Variants in FARP1 observed in about 807,000 individuals in gnomAD.
The protein encoded by FARP1 is FERM, ARHGEF and pleckstrin domain-containing protein 1.
Under a neutral mutation model 128.8 loss-of-function variants are expected in FARP1, and 52 were observed. The ratio of observed to expected loss-of-function variants is 0.40; its 90% CI spans 0.32 to 0.51. The LOEUF is 0.51. Ranked by LOEUF, FARP1 falls within the 20% of genes least tolerant of loss-of-function variation. FARP1 has a pLI of 0.45. For synonymous variants in FARP1, 580 were observed against 551.8 expected (o/e 1.05, Z -0.72); for missense variants, 1,333 against 1,367.9 (o/e 0.97, Z 0.40).
intron 19 of FARP1, 89 bp downstream of exon 19, chr13:98,435,795 C>G: frequency 2.2e-6 from 3 of 1,366,880 alleles, no homozygotes; most frequent in Non-Finnish European, 2.1e-6. Flanking sequence ...GAAGAGAGAC[C>G]CTTGCAAAGC....
chr13:98,395,497 A>T (rs757034403), intron 13 of FARP1, 21 bp downstream of exon 13: 4 of 1,559,204 alleles, frequency 2.6e-6, no homozygotes, highest in Non-Finnish European at 3.5e-6. Context: ...CCGGGCTGCC[A>T]GAGGCAGCAG....
At chr13:98,152,178 T>C (rs1876059700) in intron 1 of FARP1, among the ~76,000 whole-genome samples, 1 of 152,218 alleles carries the variant, frequency 6.6e-6, no homozygotes, top group African/African-American at 2.4e-5. Flanking sequence ...TGTCCTTCTC[T>C]GCTGCCCCTC....
At chr13:98,238,201 G>C (rs964805914) in intron 2 of FARP1, among the ~76,000 whole-genome samples, 1 of 152,196 alleles carries the variant, frequency 6.6e-6, no homozygotes. Context: ...TCATAGAGGA[G>C]AAAGCATATC....
At position 98,431,154 on chromosome 13, in the gene FARP1, G is replaced by A; in HGVS notation, c.2017G>A (p.Val673Met). 1 of 1,614,046 alleles carries A rather than the reference G, an allele frequency of 6.2e-7. No individual in the cohort carries two copies. Among genetic ancestry groups the A allele is most frequent in the Non-Finnish European group, 8.5e-7 (1 of 1,179,934 alleles). ...CTGCAGAGACTTTGAGCTGCAGAAG[G>A]TGTGTTACCTACCGCTCAACACCTT... The part of the protein sequence containing the change: ...NFCRDFELQK[V>M]CYLPLNTFLL... The change falls in exon 18 of 27, where the codon GTG becomes ATG. Residue 673 changes from valine to methionine, a missense_variant. Coordinates refer to ENST00000319562, the MANE Select transcript of FARP1 (RefSeq NM_005766.4).
At chr13:98,263,524 C>G (rs1239847796) in intron 2 of FARP1, among the ~76,000 whole-genome samples, 1 of 152,146 alleles carries the variant, frequency 6.6e-6, no homozygotes, top group African/African-American at 2.4e-5. Context: ...AAAGTTTATG[C>G]TCACTATTGA....
intron 1 of FARP1, among the ~76,000 whole-genome samples, chr13:98,143,726 C>A (rs1401248539): frequency 6.6e-6 from 1 of 151,478 alleles, no homozygotes; most frequent in Admixed American, 6.6e-5. Flanking sequence ...TCCGGGCTGC[C>A]CCCTGCGCCC....
At chr13:98,170,646 G>A (rs1877590914) in intron 1 of FARP1, among the ~76,000 whole-genome samples, 2 of 151,974 alleles carry the variant, frequency 1.3e-5, no homozygotes, top group South Asian at 2.1e-4. Context: ...GTGAGCCACC[G>A]CACCTGGTCT....
intron 1 of FARP1, among the ~76,000 whole-genome samples, chr13:98,200,944 G>T (rs1879900456): frequency 6.6e-6 from 1 of 151,830 alleles, no homozygotes; most frequent in African/African-American, 2.4e-5. Flanking sequence ...ATATTTTTGA[G>T]GTACATGTGA....
rs1891158079 is a variant in FARP1, at chr13:98,410,725, G to GT, written c.1603-5dup. 6.5e-7 allele frequency: 1 copy of GT among 1,537,732 alleles called. No individual in the cohort carries two copies. The highest frequency in any genetic ancestry group is 1.4e-5 in the African/African-American group (1 of 73,614). Reference sequence around the variant, plus strand: ...TATTGCGCTTTGTTTCTTTTGCTGGGTTTTGCAGAGATTCCCAACTGATAA... The same window carrying GT: ...TATTGCGCTTTGTTTCTTTTGCTGGGTTTTTGCAGAGATTCCCAACTGATAA... On this transcript the variant is annotated splice_polypyrimidine_tract_variant and intron_variant, in intron 14 of 26. Coordinates refer to ENST00000319562, the MANE Select transcript of FARP1 (RefSeq NM_005766.4).
chr13:98,394,953 C>T (rs1436243701), intron 12 of FARP1, among the ~76,000 whole-genome samples: 2 of 152,106 alleles, frequency 1.3e-5, no homozygotes, highest in Non-Finnish European at 2.9e-5. Context: ...GCAAAGCAAA[C>T]CCCAGCATGA....
intron 2 of FARP1, among the ~76,000 whole-genome samples, chr13:98,317,478 C>A (rs1886771327): frequency 6.6e-6 from 1 of 152,170 alleles, no homozygotes; most frequent in Non-Finnish European, 1.5e-5. Context: ...GGCATTGACT[C>A]CATAAGTATA....
At chr13:98,203,359 A>G (rs7990300) in intron 1 of FARP1, among the ~76,000 whole-genome samples, 12,413 of 152,262 alleles carry the variant, frequency 0.082, 608 homozygotes, top group African/African-American at 0.13. Context: ...GAACATTTCT[A>G]TCTCCCCAAA....
chr13:98,217,594 G>A (rs1192707778), intron 2 of FARP1, among the ~76,000 whole-genome samples: 1 of 152,214 alleles, frequency 6.6e-6, no homozygotes, highest in Non-Finnish European at 1.5e-5. Context: ...GTAGCTCGGG[G>A]AGCCTGGGAG....
In FARP1 at chr13:98,414,845, C is replaced by T. The variant is rs114023675; in HGVS notation, c.1826+2811C>T. 5.9e-3 allele frequency among the ~76,000 whole-genome samples: 899 copies of T among 152,334 alleles called. 8 individuals are homozygous for T. The highest frequency in any genetic ancestry group is 0.02 in the African/African-American group (836 of 41,574). On this transcript the variant is annotated intron_variant, in intron 16 of 26. Coordinates refer to ENST00000319562, the MANE Select transcript of FARP1 (RefSeq NM_005766.4). ...AATGCATTCCATTAAAACAAAATGA[C>T]TGGATGAGAAGAGACTTTCCAAAGC...
chr13:98,258,165 C>T (rs1431342801), intron 2 of FARP1, among the ~76,000 whole-genome samples: 1 of 152,062 alleles, frequency 6.6e-6, no homozygotes, highest in East Asian at 1.9e-4. Flanking sequence ...GATGGGGTTT[C>T]ACCATGTTAG....
At chr13:98,325,747 C>G (rs535416431) in intron 2 of FARP1, among the ~76,000 whole-genome samples, 1 of 152,342 alleles carries the variant, frequency 6.6e-6, no homozygotes, top group South Asian at 2.1e-4. Flanking sequence ...CCAGTTTGAT[C>G]TGCATGGAGT....
chr13:98,150,782 C>T (rs1594201427), intron 1 of FARP1, among the ~76,000 whole-genome samples: 2 of 152,204 alleles, frequency 1.3e-5, no homozygotes, highest in Middle Eastern at 6.8e-3. Flanking sequence ...AAAAAATTGC[C>T]TGCTTAATTT....
intron 13 of FARP1, among the ~76,000 whole-genome samples, chr13:98,408,841 T>C (rs1329858981): frequency 2.0e-5 from 3 of 152,254 alleles, no homozygotes; most frequent in Admixed American, 6.5e-5. Context: ...TTCTGTTCTT[T>C]GTAGAATGGG....
intron 2 of FARP1, among the ~76,000 whole-genome samples, chr13:98,285,774 A>G (rs569561560): frequency 5.9e-5 from 9 of 152,338 alleles, no homozygotes; most frequent in African/African-American, 2.2e-4. Context: ...TTATAGTAGG[A>G]AGCTTACTAA....
Sources: gnomAD v4.1 joint callset for allele counts (sites outside exome capture counted in the v4.1 genomes callset) on GRCh38, gnomAD v4.1.1 for gene constraint, MANE v1.5 for transcripts, NCBI Gene and HGNC (gene_info 2026-07-23, HGNC 2026-07-21) for gene names.